The following SLC6A5 variants were observed in gnomAD, a reference collection of about 807,000 sequenced individuals.
SLC6A5 encodes sodium- and chloride-dependent glycine transporter 2.
In SLC6A5, 58 loss-of-function variants were observed where a neutral mutation model predicts 90.5. The ratio of observed to expected loss-of-function variants is 0.64; its 90% confidence interval spans 0.52 to 0.80. The LOEUF is 0.80. Ranked by LOEUF, SLC6A5 falls within the 30% of genes least tolerant of loss-of-function variation. The pLI, the probability that SLC6A5 is intolerant of heterozygous loss-of-function variation, is 0.00. For missense variants in SLC6A5, 1,015 were observed against 1,017.6 expected, an observed-to-expected ratio of 1.00 and a Z score of 0.03; for synonymous variants, 427 against 401.4, an observed-to-expected ratio of 1.06 and a Z score of -0.76.
intron 14 of SLC6A5, among the ~76,000 whole-genome samples, chr11:20,647,336 TATATATTCCTATTATATA>T: frequency 2.0e-5 from 1 of 49,580 alleles, no homozygotes; most frequent in Non-Finnish European, 5.0e-5. Context: ...TATATATAAC[TATATATTCCTATTATATA>T]GTTATATATA....
intron 2 of SLC6A5, among the ~76,000 whole-genome samples, chr11:20,603,098 ACACT>A (rs1389789859): frequency 6.6e-6 from 1 of 152,122 alleles, no homozygotes; most frequent in Non-Finnish European, 1.5e-5. Context: ...TGCCTTTCTG[ACACT>A]CACCCTGGCC....
At chr11:20,628,978 TCTCTC>T (rs1188720788) in intron 9 of SLC6A5, among the ~76,000 whole-genome samples, 1 of 152,114 alleles carries the variant, frequency 6.6e-6, no homozygotes, top group African/African-American at 2.4e-5. Flanking sequence ...ATCATCTCAT[TCTCTC>T]CTGGCAACAG....
chr11:20,640,466 G>T lies in SLC6A5; in HGVS notation c.1969+1908G>T, dbSNP rs560655301. Among the ~76,000 whole-genome samples, 141 of 152,238 alleles carry T rather than the reference G, an allele frequency of 9.3e-4. 1 individual carries two copies. The highest frequency in any genetic ancestry group is 3.2e-3 in the African/African-American group (134 of 41,542). On this transcript the variant is annotated intron_variant, in intron 13 of 15. Coordinates refer to ENST00000525748, the MANE Select transcript of SLC6A5 (RefSeq NM_004211.5). Reference sequence around the variant, plus strand: ...GAAAAAATAAATCCTGAGTGCTTTAGTCCCTGGGCTATGTTAATTTTCCTT... The same window carrying T: ...GAAAAAATAAATCCTGAGTGCTTTATTCCCTGGGCTATGTTAATTTTCCTT...
chr11:20,608,956 C>CTGTG (rs1248420823), intron 5 of SLC6A5, among the ~76,000 whole-genome samples: 2 of 113,306 alleles, frequency 1.8e-5, no homozygotes, highest in African/African-American at 6.3e-5. Context: ...CTCTCTCTCT[C>CTGTG]TCTGTGTGTG....
intron 3 of SLC6A5, among the ~76,000 whole-genome samples, chr11:20,606,503 G>C (rs1815484351): frequency 1.3e-5 from 2 of 152,152 alleles, no homozygotes; most frequent in African/African-American, 4.8e-5. Flanking sequence ...CCCAATGGCT[G>C]TCTGGCAGAG....
At chr11:20,648,982 A>T (rs1326472072) in intron 14 of SLC6A5, among the ~76,000 whole-genome samples, 2 of 152,118 alleles carry the variant, frequency 1.3e-5, no homozygotes, top group East Asian at 1.9e-4. Context: ...TTTGGAGGTG[A>T]CAATGCCAAG....
intron 3 of SLC6A5, among the ~76,000 whole-genome samples, chr11:20,604,650 G>A (rs1452886220): frequency 1.3e-5 from 2 of 152,192 alleles, no homozygotes; most frequent in Non-Finnish European, 2.9e-5. Flanking sequence ...GGGACACAGG[G>A]GAGGAGTGAG....
chr11:20,655,026 G>A lies in SLC6A5; in HGVS notation c.*158G>A. 1.2e-6 allele frequency: 1 copy of A among 822,030 alleles called. No homozygotes were observed. The highest frequency in any genetic ancestry group is 2.1e-6 in the Non-Finnish European group (1 of 480,204). The allele number at this position is 822,030 out of a possible 1,614,324, so 50.9% of individuals were successfully genotyped here. A position where few individuals can be genotyped will look rare whatever the true frequency, so the allele number is the denominator to read the frequency against. ...GATTATGTAGAAAAGTAGGCATAGT[G>A]TCGCATGCTGCAGTAAAGAGCTACA... On this transcript the variant is annotated 3_prime_UTR_variant, in exon 16 of 16. Coordinates refer to ENST00000525748, the MANE Select transcript of SLC6A5 (RefSeq NM_004211.5).
chr11:20,628,219 A>AAACCACCT (rs1438763730), intron 9 of SLC6A5, 136 bp downstream of exon 9: 4 of 757,188 alleles, frequency 5.3e-6, no homozygotes, highest in Admixed American at 2.0e-5. Flanking sequence ...GGCCTAGGAG[A>AAACCACCT]AACCACCTGC....
At position 20,604,333 on chromosome 11, in the gene SLC6A5, C is replaced by T. The variant is rs1852535103; in HGVS notation, c.588C>T (p.Ser196=). Residue 196 remains serine, a synonymous_variant, in exon 3 of 16, where the codon AGC becomes AGT. Coordinates refer to ENST00000525748, the MANE Select transcript of SLC6A5 (RefSeq NM_004211.5). ...ATAAGGCCCGAGGGAACTGGTCCAGCAAACTGGACTTCATCCTGTCCATGG... is the reference window on the plus strand; with the variant it reads ...ATAAGGCCCGAGGGAACTGGTCCAGTAAACTGGACTTCATCCTGTCCATGG... ...DENKARGNWS[S]KLDFILSMVG... The T allele has an allele frequency of 6.2e-7, 1 of 1,613,830 alleles. No homozygotes were observed. Among genetic ancestry groups the T allele is most frequent in the Admixed American group, 1.7e-5 (1 of 59,980 alleles).
chr11:20,630,405 T>TG (rs1288942373), intron 9 of SLC6A5, among the ~76,000 whole-genome samples: 2 of 152,198 alleles, frequency 1.3e-5, no homozygotes, highest in African/African-American at 4.8e-5. Context: ...GAATTTGAGA[T>TG]GGGGGGATTC....
In SLC6A5 at chr11:20,640,129, C is replaced by A. The variant is rs1474034275; in HGVS notation, c.1969+1571C>A. Among the ~76,000 whole-genome samples the A allele has an allele frequency of 3.3e-5, 5 of 152,184 alleles. 1 individual carries two copies. The South Asian group carries it at 1.0e-3, about 32-fold the overall frequency. On this transcript the variant is annotated intron_variant, in intron 13 of 15. Coordinates refer to ENST00000525748, the MANE Select transcript of SLC6A5 (RefSeq NM_004211.5). ...AAGCCTCCAAGGTCTTTCTTTGGCA[C>A]CTCAGCACCTCATGGGTCAACATGT... is the stretch of plus-strand genomic sequence containing the variant.
chr11:20,614,555 C>T (rs1041202629), intron 5 of SLC6A5, 124 bp from the exon 6 acceptor site: 6 of 898,170 alleles, frequency 6.7e-6, no homozygotes, highest in Non-Finnish European at 1.1e-5. Context: ...TTAATCCTTT[C>T]CTGAAGGTAC....
Position 20,654,764 on chromosome 11 carries a change from C to G in SLC6A5, c.2290C>G (p.Gln764Glu), listed in dbSNP as rs753956513. 90 of 1,614,014 alleles carry G rather than the reference C, an allele frequency of 5.6e-5. No homozygotes were observed. The highest frequency in any genetic ancestry group is 3.3e-4 in the Middle Eastern group (2 of 6,084). Residue 764 changes from glutamine (Q) to glutamate (E), a missense_variant, in exon 16 of 16, where the codon CAA (glutamine) becomes GAA (glutamate). Transcript: ENST00000525748. ...PQPDWGPFLA[Q>E]HRGERYKNMI... ...GCCGGACTGGGGCCCATTCTTAGCTCAACACCGCGGGGAGCGTTACAAGAA... is the reference window on the plus strand; with the variant it reads ...GCCGGACTGGGGCCCATTCTTAGCTGAACACCGCGGGGAGCGTTACAAGAA...
At chr11:20,650,569 G>C (rs997978932) in intron 14 of SLC6A5, among the ~76,000 whole-genome samples, 1 of 151,480 alleles carries the variant, frequency 6.6e-6, no homozygotes, top group African/African-American at 2.4e-5. Flanking sequence ...GTGACATAAA[G>C]GTCCCCTCAG....
chr11:20,645,973 AGAGCTGCTGACTATGAAG>A (rs1409836241), intron 13 of SLC6A5, among the ~76,000 whole-genome samples: 18 of 152,202 alleles, frequency 1.2e-4, no homozygotes, highest in Non-Finnish European at 2.5e-4. Context: ...TGTTGAAATC[AGAGCTGCTGACTATGAAG>A]GAGCTTGAAC....
chr11:20,615,334 G>A (rs1185201279), intron 6 of SLC6A5, among the ~76,000 whole-genome samples: 1 of 152,094 alleles, frequency 6.6e-6, no homozygotes, highest in Non-Finnish European at 1.5e-5. Context: ...GGAAGATTTA[G>A]TGAAGTTCAT....
At chr11:20,602,691 GCA>G (rs3045384) in intron 2 of SLC6A5, among the ~76,000 whole-genome samples, 75,924 of 150,512 alleles carry the variant, frequency 0.5, 19,711 homozygotes, top group African/African-American at 0.65. Context: ...TTTAGTGTTT[GCA>G]CACACACACA....
intron 2 of SLC6A5, among the ~76,000 whole-genome samples, chr11:20,602,190 A>G (rs1852493416): frequency 6.6e-6 from 1 of 152,298 alleles, no homozygotes; most frequent in East Asian, 1.9e-4. Context: ...ACCTGAGGCT[A>G]CTGAAGCTTT....
Sources: gnomAD v4.1 joint callset for allele counts (sites outside exome capture counted in the v4.1 genomes callset) on GRCh38, gnomAD v4.1.1 for gene constraint, MANE v1.5 for transcripts, NCBI Gene and HGNC (gene_info 2026-07-23, HGNC 2026-07-21) for gene names.